RIMS3: variants seen among roughly 807,000 people sequenced by gnomAD.
The protein encoded by RIMS3 is regulating synaptic membrane exocytosis 3, also known as regulating synaptic membrane exocytosis protein 3.
Under a neutral mutation model 29.2 loss-of-function variants are expected in RIMS3, and 15 were observed. The observed-to-expected ratio is 0.51, with a 90% CI of 0.34 to 0.79. The LOEUF is 0.79. Among genes scored for constraint, RIMS3 ranks in the 30% least tolerant of loss-of-function variants. The pLI, the probability that RIMS3 is intolerant of heterozygous loss-of-function variation, is 0.01. For synonymous variants in RIMS3, 161 were observed against 170.1 expected (o/e 0.95, Z 0.41); for missense variants, 342 against 421.4 (o/e 0.81, Z 1.65).
chr1:40,660,651 A>T (rs1446595552), intron 1 of RIMS3, among the ~76,000 whole-genome samples: 2 of 151,916 alleles, frequency 1.3e-5, no homozygotes, highest in Non-Finnish European at 2.9e-5. Flanking sequence ...AAATGCTGGG[A>T]TTACCAGCAC....
At chr1:40,672,229 C>A in the RIMS3 span, among the ~76,000 whole-genome samples, 2 of 128,958 alleles carry the variant, frequency 1.6e-5, no homozygotes, top group South Asian at 4.7e-4. Flanking sequence ...GACGGAGTCT[C>A]GCTCTTTCAC....
At chr1:40,651,021 C>A (rs1031242529) in intron 1 of RIMS3, among the ~76,000 whole-genome samples, 2 of 152,048 alleles carry the variant, frequency 1.3e-5, no homozygotes, top group Non-Finnish European at 2.9e-5. Context: ...TGGCTCAATC[C>A]AAGTTTGAAG....
At position 40,621,555 on chromosome 1, in the gene RIMS3, CT is replaced by C. The variant is rs1192179826; in HGVS notation, c.*4961del. ...GCACCAGGCTCGCAACCCTCATGTGCTCCAGATCAGAGACTTTTAATTAAAA... is the reference window on the plus strand; with the variant it reads ...GCACCAGGCTCGCAACCCTCATGTGCCCAGATCAGAGACTTTTAATTAAAA... On this transcript the variant is annotated 3_prime_UTR_variant, in exon 8 of 8. Transcript: ENST00000372684. 6.6e-6 allele frequency: 1 copy of C among 152,154 alleles called. No homozygotes were observed. Among genetic ancestry groups the C allele is most frequent in the African/African-American group, 2.4e-5 (1 of 41,422 alleles). The allele number at this position is 152,154 out of a possible 1,614,324, so 9.4% of individuals were successfully genotyped here. A position where few individuals can be genotyped will look rare whatever the true frequency, so the allele number is the denominator to read the frequency against.
intron 6 of RIMS3, 29 bp downstream of exon 6, chr1:40,629,242 G>A (rs772679096): frequency 6.3e-6 from 10 of 1,580,798 alleles, no homozygotes; most frequent in Non-Finnish European, 8.7e-6. Context: ...GCCCCTCCCT[G>A]TCAGGACCCC....
At chr1:40,643,078 G>A (rs367901308) in intron 2 of RIMS3, among the ~76,000 whole-genome samples, 2 of 152,004 alleles carry the variant, frequency 1.3e-5, no homozygotes, top group Admixed American at 6.6e-5. Context: ...TAGAGTTACC[G>A]CTTAGATCAG....
rs1407525195 is a variant in RIMS3 at position 40,621,967 on chromosome 1, T to A, written c.*4550A>T. The stretch of plus-strand genomic sequence containing the variant: ...TCAACAAGCACCTGCCCCAAGCCAA[T>A]CTAGGCCCCTGAGAGAATGCAACTT... On this transcript the variant is annotated 3_prime_UTR_variant, in exon 8 of 8. Coordinates refer to ENST00000372684, the MANE Select transcript of RIMS3 (RefSeq NM_014747.3). The A allele has an allele frequency of 1.3e-5, 2 of 152,558 alleles. No individual in the cohort carries two copies. The highest frequency in any genetic ancestry group is 3.9e-4 in the East Asian group (2 of 5,184). 9.5% of individuals were successfully genotyped at this position (152,558 alleles called of 1,614,324 possible).
chr1:40,663,330 A>G (rs1642378958), intron 1 of RIMS3, among the ~76,000 whole-genome samples: 3 of 152,178 alleles, frequency 2.0e-5, no homozygotes, highest in Admixed American at 2.0e-4. Context: ...GTACACACAG[A>G]GACCTCTCCA....
chr1:40,671,247 G>A, the RIMS3 span, among the ~76,000 whole-genome samples: 6 of 152,294 alleles, frequency 3.9e-5, no homozygotes, highest in Non-Finnish European at 2.9e-5. Flanking sequence ...TAGGCCTTGG[G>A]GGGGATGCTG....
chr1:40,627,873 G>A (rs1646465253), intron 7 of RIMS3, among the ~76,000 whole-genome samples: 1 of 152,058 alleles, frequency 6.6e-6, no homozygotes. Context: ...CCGAGTCTCT[G>A]GGATTATGGT....
intron 3 of RIMS3, among the ~76,000 whole-genome samples, chr1:40,639,747 T>A (rs574614214): frequency 6.6e-6 from 1 of 152,102 alleles, no homozygotes; most frequent in South Asian, 2.1e-4. Flanking sequence ...AGGCTCTGGA[T>A]GCCTCATCAA....
At chr1:40,691,793 G>A in the RIMS3 span, 54 of 451,540 alleles carry the variant, frequency 1.2e-4, no homozygotes, top group African/African-American at 9.5e-4. Context: ...CCTCCGCCGC[G>A]CCTGGGCCTC....
At chr1:40,655,527 C>T (rs976937087) in intron 1 of RIMS3, among the ~76,000 whole-genome samples, 1 of 152,202 alleles carries the variant, frequency 6.6e-6, no homozygotes, top group South Asian at 2.1e-4. Flanking sequence ...AGCCAGGGTT[C>T]AAGGTGAGCA....
In RIMS3 at chr1:40,629,296, G is replaced by C; in HGVS notation, c.549C>G (p.Pro183=). The change falls in exon 6 of 8, where the codon CCC becomes CCG. Residue 183 remains proline (P), a synonymous_variant. Transcript: ENST00000372684. ...CTGGGAGGGATTTGGAGCCTGGTTT[G>C]GGGGTCAGGCCCCGAGCTTCAATCA... is the stretch of plus-strand genomic sequence containing the variant. ...VEVIEARGLT[P]KPGSKSLPAT... is the part of the protein sequence containing the mutation. The C allele has an allele frequency of 6.2e-7, 1 of 1,614,080 alleles. No homozygotes were observed. The highest frequency in any genetic ancestry group is 8.5e-7 in the Non-Finnish European group (1 of 1,179,948).
upstream of RIMS3, among the ~76,000 whole-genome samples, chr1:40,667,193 C>T (rs773177031): frequency 4.6e-5 from 7 of 152,298 alleles, no homozygotes; most frequent in South Asian, 6.2e-4. Context: ...CCTCAAAGTG[C>T]GTTCCATAGC....
At chr1:40,685,343 T>A in the RIMS3 span, among the ~76,000 whole-genome samples, 3 of 36,900 alleles carry the variant, frequency 8.1e-5, no homozygotes, top group African/African-American at 5.9e-4. Context: ...ATAATTATAT[T>A]ATATATATAT....
At chr1:40,670,578 A>ATATATATATG (rs1240217270), upstream of RIMS3, among the ~76,000 whole-genome samples, 4 of 94,112 alleles carry the variant, frequency 4.3e-5, no homozygotes, top group African/African-American at 1.9e-4. Context: ...ATAATTTTAT[A>ATATATATATG]TATATATATA....
chr1:40,643,580 G>A (rs1165305207), intron 2 of RIMS3, among the ~76,000 whole-genome samples: 1 of 150,384 alleles, frequency 6.6e-6, no homozygotes, highest in East Asian at 2.0e-4. Flanking sequence ...AGGTTCAAGC[G>A]AATCTGGTAC....
chr1:40,691,252 T>G, the RIMS3 span: 13 of 156,654 alleles, frequency 8.3e-5, no homozygotes, highest in African/African-American at 2.9e-4. Flanking sequence ...TAAATGCTCT[T>G]TTATGAATTT....
At chr1:40,661,285 ATAAG>A (rs2148362399) in intron 1 of RIMS3, among the ~76,000 whole-genome samples, 1 of 152,264 alleles carries the variant, frequency 6.6e-6, no homozygotes, top group Non-Finnish European at 1.5e-5. Flanking sequence ...TAAGCACTAA[ATAAG>A]TGTTATTCTT....
Sources: gnomAD v4.1 joint callset for allele counts (sites outside exome capture counted in the v4.1 genomes callset) on GRCh38, gnomAD v4.1.1 for gene constraint, MANE v1.5 for transcripts, NCBI Gene and HGNC (gene_info 2026-07-23, HGNC 2026-07-21) for gene names.